The following RIN3 variants were observed in gnomAD, a reference collection of about 807,000 sequenced individuals.
The protein encoded by RIN3 is RAB5 interacting protein 3.
In RIN3, 54 loss-of-function variants were observed where a neutral mutation model predicts 76.3. The observed-to-expected ratio is 0.71, with a 90% CI of 0.57 to 0.89. RIN3 has a LOEUF of 0.89. RIN3 is among the 40% of genes least tolerant of loss of function. The pLI, the probability that RIN3 is intolerant of heterozygous loss-of-function variation, is 0.00. For synonymous variants in RIN3, 576 were observed against 564.0 expected (o/e 1.02, Z -0.30); for missense variants, 1,256 against 1,322.1 (o/e 0.95, Z 0.78).
At chr14:92,564,943 A>G (rs976434541) in intron 2 of RIN3, among the ~76,000 whole-genome samples, 5 of 152,306 alleles carry the variant, frequency 3.3e-5, no homozygotes, top group African/African-American at 1.2e-4. Flanking sequence ...TAATCAGGGA[A>G]GGCTTTCAGG....
intron 3 of RIN3, among the ~76,000 whole-genome samples, chr14:92,608,128 C>G (rs907784227): frequency 2.0e-5 from 3 of 152,088 alleles, no homozygotes; most frequent in Admixed American, 6.6e-5. Context: ...ATAAAATTGC[C>G]TAATACTATA....
intron 4 of RIN3, among the ~76,000 whole-genome samples, chr14:92,632,380 C>T (rs1341788285): frequency 6.6e-6 from 1 of 152,178 alleles, no homozygotes; most frequent in Non-Finnish European, 1.5e-5. Context: ...CTAACCGCTA[C>T]AGCAATAACA....
chr14:92,626,975 G>T (rs1182968741), intron 4 of RIN3, among the ~76,000 whole-genome samples: 1 of 152,154 alleles, frequency 6.6e-6, no homozygotes, highest in African/African-American at 2.4e-5. Flanking sequence ...CCATATTTTG[G>T]CAAGAAGATG....
rs745719902 is a variant in RIN3 at position 92,685,192 on chromosome 14, C to G, written c.2631+42C>G. 3.2e-6 allele frequency: 5 copies of G among 1,538,690 alleles called. No individual in the cohort carries two copies. In the East Asian group the frequency reaches 1.2e-4, roughly 37 times the overall value. On this transcript the variant is annotated intron_variant, in intron 9 of 9. Transcript: ENST00000216487. This position sits in a 1 kb window ranked among gnomAD's most constrained non-coding sequence, Gnocchi z 4.7. ...GGAGGGGCCCGGTGGGGCCATGTCC[C>G]AGACACCATCCCTGCTGCCTGCTGG...
chr14:92,664,464 T>C (rs1367577899), intron 7 of RIN3, among the ~76,000 whole-genome samples: 2 of 141,508 alleles, frequency 1.4e-5, no homozygotes, highest in Admixed American at 1.5e-4. Context: ...GCCTCCCGGG[T>C]TCACGCCATT....
chr14:92,561,020 TAAAA>T (rs1324990452), intron 2 of RIN3, among the ~76,000 whole-genome samples: 11 of 23,638 alleles, frequency 4.7e-4, no homozygotes, highest in African/African-American at 5.0e-4. Flanking sequence ...AAACTCTGTC[TAAAA>T]AAAAAAAAAA....
chr14:92,688,504 CAGG>C lies in RIN3; in HGVS notation c.*255_*257del, dbSNP rs1477056708. 9.2e-6 allele frequency: 5 copies of C among 540,594 alleles called. No homozygotes were observed. The highest frequency in any genetic ancestry group is 1.6e-5 in the Non-Finnish European group (5 of 306,300). The allele number at this position is 540,594 out of a possible 1,614,324, so 33.5% of individuals were successfully genotyped here. ...TTAGACGGAAAGGGAAACTGAGGCT[CAGG>C]AGAGAGGCGCTCCAGGCCGCTGCAG... On this transcript the variant is annotated 3_prime_UTR_variant, in exon 10 of 10. Transcript: ENST00000216487.
chr14:92,672,032 T>C (rs528271339), intron 7 of RIN3, among the ~76,000 whole-genome samples: 2 of 152,290 alleles, frequency 1.3e-5, no homozygotes, highest in East Asian at 1.9e-4. Context: ...GCCCAGGCTA[T>C]GAGGCAAGAT....
intron 1 of RIN3, among the ~76,000 whole-genome samples, chr14:92,529,713 G>A (rs1318856166): frequency 6.6e-6 from 1 of 152,146 alleles, no homozygotes; most frequent in Admixed American, 6.5e-5. Context: ...TTTGTGTCAT[G>A]TTTTCTCATT....
chr14:92,678,165 T>C (rs1363681461), intron 8 of RIN3, among the ~76,000 whole-genome samples: 2 of 136,290 alleles, frequency 1.5e-5, no homozygotes, highest in Non-Finnish European at 3.2e-5. Flanking sequence ...TACCCATCCA[T>C]CCATCCACCC....
intron 1 of RIN3, chr14:92,515,397 A>G (rs1595381595): frequency 1.7e-6 from 1 of 579,068 alleles, no homozygotes; most frequent in East Asian, 3.0e-5. Context: ...CATTTTCCCC[A>G]GAGATGACCT....
chr14:92,603,849 G>A (rs1040477391), intron 3 of RIN3, among the ~76,000 whole-genome samples: 1 of 152,238 alleles, frequency 6.6e-6, no homozygotes, highest in Non-Finnish European at 1.5e-5. Flanking sequence ...GCTGGGCCTG[G>A]AACCAGCGGG....
intron 1 of RIN3, among the ~76,000 whole-genome samples, chr14:92,520,541 G>A (rs973980142): frequency 6.6e-6 from 1 of 152,160 alleles, no homozygotes; most frequent in Non-Finnish European, 1.5e-5. Context: ...CCTACCTCCC[G>A]ACTGACATTT....
At chr14:92,532,562 C>T (rs992061526) in intron 1 of RIN3, among the ~76,000 whole-genome samples, 5 of 152,154 alleles carry the variant, frequency 3.3e-5, no homozygotes, top group Middle Eastern at 3.2e-3. Flanking sequence ...TGGTGCAACT[C>T]CTCCCCTCTC....
At chr14:92,615,632 C>T in intron 4 of RIN3, 153 bp downstream of exon 4, 3 of 672,898 alleles carry the variant, frequency 4.5e-6, no homozygotes, top group Non-Finnish European at 8.0e-6. Flanking sequence ...CTGGGAACCA[C>T]AGAGGATGTG....
rs1888964537 is a variant in RIN3 at position 92,688,451 on chromosome 14, C to T, written c.*199C>T. The T allele has an allele frequency of 6.9e-6, 4 of 583,726 alleles. No individual in the cohort carries two copies. Among genetic ancestry groups the T allele is most frequent in the Non-Finnish European group, 1.2e-5 (4 of 332,940 alleles). 36.2% of individuals were successfully genotyped at this position (583,726 alleles called of 1,614,324 possible). On this transcript the variant is annotated 3_prime_UTR_variant, in exon 10 of 10. Coordinates refer to ENST00000216487, the MANE Select transcript of RIN3 (RefSeq NM_024832.5). ...TTCCTGAGGGCAAGTCCTAATAGCC[C>T]TGAGACACCGAGACGGCATGTTCTT...
intron 1 of RIN3, among the ~76,000 whole-genome samples, chr14:92,543,796 T>C (rs1406809969): frequency 6.6e-6 from 1 of 152,028 alleles, no homozygotes; most frequent in Non-Finnish European, 1.5e-5. Context: ...TTGGCCAGGC[T>C]GGAAGGCTTT....
intron 3 of RIN3, among the ~76,000 whole-genome samples, chr14:92,588,275 G>A (rs1036599481): frequency 1.4e-5 from 2 of 143,962 alleles, no homozygotes; most frequent in Admixed American, 7.1e-5. Context: ...TTGCCCAGGC[G>A]GGAGTGCAGT....
intron 2 of RIN3, among the ~76,000 whole-genome samples, chr14:92,556,964 AC>A (rs367717035): frequency 6.5e-4 from 99 of 152,230 alleles, no homozygotes; most frequent in African/African-American, 1.1e-3. Context: ...TACAACCACC[AC>A]CTCTATCTAT....
Sources: allele counts gnomAD v4.1 joint callset (sites outside exome capture counted in the v4.1 genomes callset), GRCh38; gene constraint gnomAD v4.1.1; non-coding constraint Gnocchi (gnomAD v3.1); transcripts MANE v1.5; gene names NCBI Gene and HGNC (gene_info 2026-07-23, HGNC 2026-07-21).